NELL1: variants seen among roughly 807,000 people sequenced by gnomAD.
NELL1 encodes neural EGFL like 1.
In NELL1, 76 loss-of-function variants were observed where a neutral mutation model predicts 107.4. That is an observed-to-expected ratio of 0.71 (90% CI 0.59 to 0.86). The LOEUF is 0.86. NELL1 is among the 40% of genes least tolerant of loss of function. The probability of loss-of-function intolerance (pLI) is 0.00; values close to 1 mark genes in which losing one functional copy is unlikely to be tolerated. For synonymous variants in NELL1, 353 were observed against 341.2 expected, an observed-to-expected ratio of 1.03 and a Z score of -0.38; for missense variants, 1,024 against 1,005.5, an observed-to-expected ratio of 1.02 and a Z score of -0.25.
intron 3 of NELL1, among the ~76,000 whole-genome samples, chr11:20,817,008 C>T (rs1857637717): frequency 6.6e-6 from 1 of 152,060 alleles, no homozygotes; most frequent in African/African-American, 2.4e-5. Flanking sequence ...CATGAAGAAT[C>T]AAGTTCTTGA....
chr11:21,253,528 A>G (rs892680109), intron 14 of NELL1, among the ~76,000 whole-genome samples: 3 of 152,150 alleles, frequency 2.0e-5, no homozygotes, highest in Non-Finnish European at 4.4e-5. Flanking sequence ...AAGACATACT[A>G]GAGCTCAGAT....
At chr11:21,114,031 A>C (rs1384381623) in intron 13 of NELL1, among the ~76,000 whole-genome samples, 1 of 151,996 alleles carries the variant, frequency 6.6e-6, no homozygotes, top group Admixed American at 6.6e-5. Context: ...AGTATCAATT[A>C]TTTTCGTTGC....
chr11:21,355,134 C>T (rs1010162349), intron 14 of NELL1, among the ~76,000 whole-genome samples: 1 of 152,164 alleles, frequency 6.6e-6, no homozygotes. Flanking sequence ...AAAATGTGAA[C>T]ATCATCTTTT....
intron 15 of NELL1, among the ~76,000 whole-genome samples, chr11:21,455,912 G>T (rs1234588347): frequency 1.3e-5 from 2 of 149,196 alleles, no homozygotes; most frequent in Non-Finnish European, 3.0e-5. Context: ...TTTTTGAGGT[G>T]GAGTCTCGCT....
chr11:21,548,752 A>G (rs1856503297), intron 16 of NELL1, among the ~76,000 whole-genome samples: 1 of 151,682 alleles, frequency 6.6e-6, no homozygotes, highest in Non-Finnish European at 1.5e-5. Flanking sequence ...ACCATTGGTT[A>G]TGAGGTGGGA....
At chr11:21,443,563 A>T (rs1034829021) in intron 15 of NELL1, among the ~76,000 whole-genome samples, 4 of 151,880 alleles carry the variant, frequency 2.6e-5, no homozygotes, top group African/African-American at 4.8e-5. Context: ...TCAAAATGGA[A>T]ATGGGAGTTT....
intron 4 of NELL1, among the ~76,000 whole-genome samples, chr11:20,868,689 G>A (rs1274770781): frequency 1.3e-5 from 2 of 151,870 alleles, no homozygotes; most frequent in African/African-American, 4.8e-5. Flanking sequence ...CGCAATGCAA[G>A]GAAATAAAAG....
chr11:20,946,423 G>A (rs1850963753), intron 10 of NELL1, among the ~76,000 whole-genome samples: 1 of 152,094 alleles, frequency 6.6e-6, no homozygotes, highest in African/African-American at 2.4e-5. Context: ...TTTACAAATT[G>A]GCATCATACT....
chr11:21,028,294 T>C (rs905207856), intron 12 of NELL1, among the ~76,000 whole-genome samples: 2 of 152,098 alleles, frequency 1.3e-5, no homozygotes, highest in African/African-American at 4.8e-5. Flanking sequence ...GCAGCCAGGA[T>C]TGAGAACCTC....
intron 15 of NELL1, among the ~76,000 whole-genome samples, chr11:21,400,810 A>T (rs1041526290): frequency 6.6e-6 from 1 of 152,026 alleles, no homozygotes; most frequent in African/African-American, 2.4e-5. Context: ...CTGTATGCCC[A>T]CCTGCTTCAT....
intron 12 of NELL1, among the ~76,000 whole-genome samples, chr11:20,966,284 GA>G (rs1374061225): frequency 2.6e-5 from 4 of 152,114 alleles, no homozygotes; most frequent in African/African-American, 9.7e-5. Flanking sequence ...AAGTGGGCAA[GA>G]GGGGGCAGAA....
chr11:20,816,048 T>C (rs1857616394), intron 3 of NELL1, among the ~76,000 whole-genome samples: 2 of 152,236 alleles, frequency 1.3e-5, no homozygotes, highest in Admixed American at 1.3e-4. Context: ...GTTGTTTTTA[T>C]TACTATAGTC....
At chr11:21,277,570 A>G (rs1210742723) in intron 14 of NELL1, among the ~76,000 whole-genome samples, 2 of 152,184 alleles carry the variant, frequency 1.3e-5, no homozygotes, top group African/African-American at 4.8e-5. Flanking sequence ...AAGGATTATA[A>G]ATCTTGCTGC....
intron 12 of NELL1, chr11:21,000,996 G>A (rs932536736): frequency 1.3e-5 from 2 of 152,122 alleles, no homozygotes; most frequent in African/African-American, 4.8e-5. Context: ...GAAATGCTGG[G>A]CCATGTAAGC....
chr11:20,674,411 C>T lies in NELL1; in HGVS notation c.56-3521C>T, dbSNP rs1008390799. ...TGTTGAAGTGTGAATATAGTTTCCC[C>T]GAGTCCTCATGAGTCTGGTGTAACA... On this transcript the variant is annotated intron_variant, in intron 1 of 19. Transcript: ENST00000357134. 3.3e-5 allele frequency: 38 copies of T among 1,134,460 alleles called. 2 individuals carry two copies. The Middle Eastern group carries it at 6.2e-4, about 19-fold the overall frequency. 70.3% of individuals were successfully genotyped at this position (1,134,460 alleles called of 1,614,324 possible).
intron 14 of NELL1, among the ~76,000 whole-genome samples, chr11:21,352,990 T>C (rs1850851889): frequency 6.6e-6 from 1 of 152,182 alleles, no homozygotes; most frequent in Non-Finnish European, 1.5e-5. Context: ...ACTGTGGATA[T>C]GGGAGAAGCA....
intron 12 of NELL1, among the ~76,000 whole-genome samples, chr11:21,061,997 A>G (rs1257832235): frequency 6.6e-6 from 1 of 152,180 alleles, no homozygotes; most frequent in Non-Finnish European, 1.5e-5. Flanking sequence ...CTCAGACCAT[A>G]CATTCTCCAG....
intron 15 of NELL1, among the ~76,000 whole-genome samples, chr11:21,386,127 C>G (rs754905176): frequency 4.6e-5 from 7 of 151,696 alleles, no homozygotes; most frequent in Non-Finnish European, 8.8e-5. Context: ...ACCACCCATC[C>G]CTGTATTACA....
intron 4 of NELL1, among the ~76,000 whole-genome samples, chr11:20,852,385 A>G (rs1848810469): frequency 6.6e-6 from 1 of 152,234 alleles, no homozygotes; most frequent in African/African-American, 2.4e-5. Context: ...CTACAAATCA[A>G]TGAATGAGTC....
Sources: gnomAD v4.1 joint callset for allele counts (sites outside exome capture counted in the v4.1 genomes callset) on GRCh38, gnomAD v4.1.1 for gene constraint, MANE v1.5 for transcripts, NCBI Gene and HGNC (gene_info 2026-07-23, HGNC 2026-07-21) for gene names.